NLRP12: variants seen among roughly 807,000 people sequenced by gnomAD.
NLRP12 encodes the protein NLR family pyrin domain containing 12.
In NLRP12, 108 loss-of-function variants were observed where a neutral mutation model predicts 91.2. The ratio of observed to expected loss-of-function variants is 1.18; its 90% confidence interval spans 1.01 to 1.39. The LOEUF is 1.39. Ranked by LOEUF, NLRP12 falls within the 40% of genes most tolerant of loss-of-function variation. The pLI is 0.00. For synonymous variants in NLRP12, 613 were observed against 566.7 expected (o/e 1.08, Z -1.16); for missense variants, 1,530 against 1,352.7 (o/e 1.13, Z -2.06).
At chr19:53,812,132 A>G (rs2092085883) in intron 2 of NLRP12, among the ~76,000 whole-genome samples, 1 of 150,000 alleles carries the variant, frequency 6.7e-6, no homozygotes, top group African/African-American at 2.5e-5. Flanking sequence ...AGTGCTTCTC[A>G]AACTTTTTTT....
chr19:53,795,537 G>T (rs1251628816), intron 9 of NLRP12, among the ~76,000 whole-genome samples: 1 of 150,780 alleles, frequency 6.6e-6, no homozygotes, highest in Admixed American at 6.6e-5. Context: ...ACCACGCCCG[G>T]CTAATTTTTT....
At chr19:53,803,786 C>T in intron 6 of NLRP12, 166 bp downstream of exon 6, 1 of 676,556 alleles carries the variant, frequency 1.5e-6, no homozygotes. Flanking sequence ...GTTGGCCAGG[C>T]TGGTCTCGAA....
At chr19:53,815,286 T>C (rs2092141719) in intron 1 of NLRP12, among the ~76,000 whole-genome samples, 1 of 142,352 alleles carries the variant, frequency 7.0e-6, no homozygotes, top group Non-Finnish European at 1.5e-5. Context: ...TGGAATGCAG[T>C]GGCATGATCT....
chr19:53,802,408 T>TA (rs1427791739), intron 6 of NLRP12, among the ~76,000 whole-genome samples: 2 of 151,356 alleles, frequency 1.3e-5, no homozygotes, highest in African/African-American at 4.9e-5. Flanking sequence ...TGCCTACTAT[T>TA]AAAAATAAAT....
rs1255793689 is a variant in NLRP12 at position 53,801,256 on chromosome 19, C to T, written c.2727G>A (p.Arg909=). ...GGGTCTGGAGCTTGCACGTGGGATG[C>T]CTGAGGCCCTCACACAGCAGCAGCA... The part of the protein sequence containing the change: ...LGVLLLCEGL[R]HPTCKLQTLR... Residue 909 remains arginine (R), a synonymous_variant, in exon 7 of 10, where the codon AGG becomes AGA. Coordinates refer to ENST00000324134, the MANE Select transcript of NLRP12 (RefSeq NM_144687.4). The T allele has an allele frequency of 6.2e-7, 1 of 1,613,746 alleles. No individual in the cohort carries two copies. The highest frequency in any genetic ancestry group is 8.5e-7 in the Non-Finnish European group (1 of 1,179,994).
At chr19:53,803,635 G>T (rs192163393) in intron 6 of NLRP12, 216 of 377,376 alleles carry the variant, frequency 5.7e-4, no homozygotes, top group Non-Finnish European at 8.8e-4. Context: ...GTGCAGTGAC[G>T]TGATCTCAGC....
At chr19:53,817,385 G>A (rs142879960) in intron 1 of NLRP12, among the ~76,000 whole-genome samples, 1 of 151,504 alleles carries the variant, frequency 6.6e-6, no homozygotes, top group East Asian at 2.0e-4. Context: ...TGCTGACATC[G>A]CATCATTGCA....
At chr19:53,797,134 A>ATT (rs2091779352) in intron 8 of NLRP12, among the ~76,000 whole-genome samples, 8 of 145,444 alleles carry the variant, frequency 5.5e-5, no homozygotes, top group South Asian at 4.9e-4. Context: ...AGATTGAATT[A>ATT]TTATTTTTTT....
chr19:53,810,815 G>C lies in NLRP12; in HGVS notation c.844C>G (p.Leu282Val), dbSNP rs1242177727. ...AGGAGGCGCTCGGGAACTCGGATGA[G>C]CTCCTGGAGAGGCGCGCTGGGCTCA... ...WPEPSAPLQELIRVPERLLFI... is the reference protein window; with the variant it reads ...WPEPSAPLQEVIRVPERLLFI... Residue 282 changes from leucine to valine, a missense_variant, in exon 3 of 10, where the codon CTC becomes GTC. Coordinates refer to ENST00000324134, the MANE Select transcript of NLRP12 (RefSeq NM_144687.4). 2 of 1,614,138 alleles carry C rather than the reference G, an allele frequency of 1.2e-6. No homozygotes were observed. Among genetic ancestry groups the C allele is most frequent in the Admixed American group, 3.3e-5 (2 of 59,998 alleles).
At chr19:53,800,771 G>C (rs1476271905) in intron 7 of NLRP12, among the ~76,000 whole-genome samples, 1 of 151,942 alleles carries the variant, frequency 6.6e-6, no homozygotes, top group African/African-American at 2.4e-5. Context: ...TAGTACAGAT[G>C]GGGTGTTTCT....
At chr19:53,821,496 G>A (rs925697276) in intron 1 of NLRP12, among the ~76,000 whole-genome samples, 3 of 151,978 alleles carry the variant, frequency 2.0e-5, no homozygotes, top group East Asian at 1.9e-4. Context: ...GGGAAACCCC[G>A]TCTCTATTAA....
intron 9 of NLRP12, among the ~76,000 whole-genome samples, chr19:53,795,157 ACT>A (rs1312148443): frequency 6.7e-6 from 1 of 150,082 alleles, no homozygotes; most frequent in Non-Finnish European, 1.5e-5. Context: ...AATTTTCCTA[ACT>A]CAGCCTGTCA....
Position 53,810,737 on chromosome 19 carries a change from C to T in NLRP12, c.922G>A (p.Gly308Arg), listed in dbSNP as rs1306474344. 6.2e-7 allele frequency: 1 copy of T among 1,614,030 alleles called. No homozygotes were observed. The highest frequency in any genetic ancestry group is 2.2e-5 in the East Asian group (1 of 44,852). Residue 308 changes from glycine (G) to arginine (R), a missense_variant, in exon 3 of 10, where the codon GGA (glycine) becomes AGA (arginine). Transcript: ENST00000324134. ...ELKPSFHDPQ[G>R]PWCLCWEEKR... Reference sequence around the variant, plus strand: ...TCCTCCCAGCAGAGGCACCAGGGTCCCTGAGGATCGTGGAAAGAAGGCTTG... The same window carrying T: ...TCCTCCCAGCAGAGGCACCAGGGTCTCTGAGGATCGTGGAAAGAAGGCTTG...
chr19:53,809,911 A>G lies in NLRP12; in HGVS notation c.1748T>C (p.Val583Ala). 6.2e-7 allele frequency: 1 copy of G among 1,613,950 alleles called. No individual in the cohort carries two copies. Among genetic ancestry groups the G allele is most frequent in the Non-Finnish European group, 8.5e-7 (1 of 1,180,004 alleles). Residue 583 changes from valine (V) to alanine (A), a missense_variant, in exon 3 of 10, where the codon GTC (valine) becomes GCC (alanine). By Grantham distance (64) the Val-to-Ala change is moderately conservative (BLOSUM62 0). Coordinates refer to ENST00000324134, the MANE Select transcript of NLRP12 (RefSeq NM_144687.4). Reference sequence around the variant, plus strand: ...CAGGTCCATCTTGATGTGCGGCGAGACCTTCCAGCAGAGACTCTTCTCCAG... The same window carrying G: ...CAGGTCCATCTTGATGTGCGGCGAGGCCTTCCAGCAGAGACTCTTCTCCAG... Reference protein sequence around the residue: ...SHLEKSLCWKVSPHIKMDLLQ... With the variant: ...SHLEKSLCWKASPHIKMDLLQ...
chr19:53,803,470 G>A (rs183789599), intron 6 of NLRP12, among the ~76,000 whole-genome samples: 4 of 151,588 alleles, frequency 2.6e-5, no homozygotes, highest in African/African-American at 7.3e-5. Context: ...GTGAACTACC[G>A]CACCCGGCCC....
At chr19:53,821,031 C>CTTTTT (rs1158419664) in intron 1 of NLRP12, among the ~76,000 whole-genome samples, 18 of 81,270 alleles carry the variant, frequency 2.2e-4, no homozygotes, top group African/African-American at 6.9e-4. Flanking sequence ...CATATTTTTT[C>CTTTTT]TTTTTTTTTT....
intron 1 of NLRP12, among the ~76,000 whole-genome samples, chr19:53,817,756 G>A (rs946159911): frequency 6.6e-6 from 1 of 151,858 alleles, no homozygotes. Context: ...AAGAAAAAGA[G>A]GGCAAATTTC....
chr19:53,794,216 T>G, intron 9 of NLRP12, 80 bp from the exon 10 acceptor site: 8 of 930,962 alleles, frequency 8.6e-6, no homozygotes, highest in Non-Finnish European at 1.4e-5. Flanking sequence ...TATTGTGCAC[T>G]ACCGTGGTAA....
At position 53,809,767 on chromosome 19, in the gene NLRP12, C is replaced by T. The variant is rs540940033; in HGVS notation, c.1892G>A (p.Ser631Asn). ...GCTGACCACGATCACCTGGAAGTGG[C>T]TCAGGGCCTGCTGGATAAACTCCTC... ...QEEEFIQQALSHFQVIVVSNI... is the reference protein window; with the variant it reads ...QEEEFIQQALNHFQVIVVSNI... The change falls in exon 3 of 10, where the codon AGC (serine) becomes AAC (asparagine). Residue 631 changes from serine (S) to asparagine (N), a missense_variant. Physicochemically the swap from Ser to Asn is conservative, Grantham distance 46. Transcript: ENST00000324134. 1 of 1,614,140 alleles carries T rather than the reference C, an allele frequency of 6.2e-7. No individual in the cohort carries two copies. The highest frequency in any genetic ancestry group is 1.1e-5 in the South Asian group (1 of 91,090).
Sources: gnomAD v4.1 joint callset for allele counts (sites outside exome capture counted in the v4.1 genomes callset) on GRCh38, gnomAD v4.1.1 for gene constraint, MANE v1.5 for transcripts, NCBI Gene and HGNC (gene_info 2026-07-23, HGNC 2026-07-21) for gene names.